Variants in RAB27A observed in about 807,000 individuals in gnomAD.
The protein encoded by RAB27A is RAB27A, member RAS oncogene family.
RAB27A carries 17 observed loss-of-function variants against 20.8 expected under a neutral mutation model. That is an observed-to-expected ratio of 0.82 (90% CI 0.56 to 1.23). The LOEUF is 1.23. Among genes scored for constraint, RAB27A ranks in the 50% most tolerant of loss-of-function variants. RAB27A has a pLI of 0.00. For synonymous variants in RAB27A, 85 were observed against 92.8 expected, an observed-to-expected ratio of 0.92 and a Z score of 0.48; for missense variants, 277 against 266.7, an observed-to-expected ratio of 1.04 and a Z score of -0.27.
At chr15:55,265,826 A>G (rs1897457403) in intron 2 of RAB27A, among the ~76,000 whole-genome samples, 1 of 152,170 alleles carries the variant, frequency 6.6e-6, no homozygotes, top group South Asian at 2.1e-4. Flanking sequence ...GGGAGAATGT[A>G]TCCAGAACAG....
intron 2 of RAB27A, among the ~76,000 whole-genome samples, chr15:55,296,946 T>TA (rs1185045244): frequency 1.3e-5 from 2 of 151,758 alleles, no homozygotes; most frequent in East Asian, 1.9e-4. Context: ...ACTGTCAACC[T>TA]AAAAAAAAGA....
At chr15:55,247,169 C>G (rs1337744990) in intron 2 of RAB27A, among the ~76,000 whole-genome samples, 1 of 152,076 alleles carries the variant, frequency 6.6e-6, no homozygotes, top group Non-Finnish European at 1.5e-5. Flanking sequence ...ACAACTTAAG[C>G]TACCTGGAAG....
At chr15:55,314,135 G>A (rs1051844342) in exon 2 of RAB27A, 17 of 143,480 alleles carry the variant, frequency 1.2e-4, no homozygotes, top group Non-Finnish European at 1.8e-4. Flanking sequence ...TTGCACTCCA[G>A]CCTGGGCATC....
intron 2 of RAB27A, among the ~76,000 whole-genome samples, chr15:55,305,745 T>A (rs144049462): frequency 0.011 from 1,707 of 152,338 alleles, 30 homozygotes; most frequent in African/African-American, 0.039. Flanking sequence ...CTCTTTGATT[T>A]TGAAGGACTA....
intron 2 of RAB27A, among the ~76,000 whole-genome samples, chr15:55,245,025 G>A (rs1396123229): frequency 6.6e-6 from 1 of 152,156 alleles, no homozygotes; most frequent in East Asian, 1.9e-4. Flanking sequence ...GCAAGGAAGA[G>A]AAGTCACATG....
intron 1 of RAB27A, chr15:55,288,857 C>T (rs565639197): frequency 5.9e-5 from 9 of 151,756 alleles, no homozygotes; most frequent in African/African-American, 2.2e-4. Context: ...AGTGGAGAAT[C>T]AACAAATTTA....
intron 1 of RAB27A, among the ~76,000 whole-genome samples, chr15:55,277,297 G>A (rs1425791370): frequency 6.6e-6 from 1 of 152,152 alleles, no homozygotes; most frequent in Non-Finnish European, 1.5e-5. Context: ...TGGGGGAGAG[G>A]CGTCTACTGG....
rs189397077 is a variant in RAB27A at position 55,269,733 on chromosome 15, T to G, written c.-23+432A>C. On this transcript the variant is annotated intron_variant, in intron 2 of 6. Transcript: ENST00000336787. ...TCAAGCCTGGGCGACAGAGCAAGAC[T>G]CTGTCTCAAATTTAAAAAACAAAAC... 70 of 152,238 alleles carry G rather than the reference T, an allele frequency of 4.6e-4. 1 individual carries two copies. The highest frequency in any genetic ancestry group is 1.5e-3 in the African/African-American group (61 of 41,514). The allele number at this position is 152,238 out of a possible 1,614,324, so 9.4% of individuals were successfully genotyped here. A position where few individuals can be genotyped will look rare whatever the true frequency, so the allele number is the denominator to read the frequency against.
intron 2 of RAB27A, among the ~76,000 whole-genome samples, chr15:55,297,917 T>C (rs1409825095): frequency 6.6e-6 from 1 of 152,078 alleles, no homozygotes; most frequent in Non-Finnish European, 1.5e-5. Flanking sequence ...AAAATCCCAG[T>C]TGTGGCCAGG....
chr15:55,312,088 T>C (rs2055023418), intron 2 of RAB27A, among the ~76,000 whole-genome samples: 1 of 152,206 alleles, frequency 6.6e-6, no homozygotes, highest in Non-Finnish European at 1.5e-5. Flanking sequence ...TCAGCTCGAT[T>C]AGGACGAACC....
chr15:55,276,575 G>GA (rs1315826596), intron 1 of RAB27A, among the ~76,000 whole-genome samples: 1 of 151,798 alleles, frequency 6.6e-6, no homozygotes, highest in Admixed American at 6.6e-5. Flanking sequence ...GTTTCTAAAA[G>GA]AAAAAATTTT....
intron 2 of RAB27A, among the ~76,000 whole-genome samples, chr15:55,307,973 G>C (rs2055005332): frequency 6.6e-6 from 1 of 152,034 alleles, no homozygotes; most frequent in Non-Finnish European, 1.5e-5. Flanking sequence ...GCCAGCAAAA[G>C]TATTTTTCCT....
chr15:55,288,395 C>T (rs568573189), intron 1 of RAB27A, among the ~76,000 whole-genome samples: 1 of 152,208 alleles, frequency 6.6e-6, no homozygotes, highest in South Asian at 2.1e-4. Flanking sequence ...GTAGCACACA[C>T]CTGTAATTCC....
chr15:55,285,446 G>C (rs1462506513), intron 1 of RAB27A, among the ~76,000 whole-genome samples: 2 of 151,970 alleles, frequency 1.3e-5, no homozygotes, highest in Non-Finnish European at 2.9e-5. Context: ...TGCAAAACCA[G>C]AGAGTCCAAA....
At chr15:55,275,911 G>T (rs1159340143) in intron 1 of RAB27A, among the ~76,000 whole-genome samples, 2 of 104,522 alleles carry the variant, frequency 1.9e-5, no homozygotes, top group Non-Finnish European at 3.8e-5. Context: ...CTGCTAGGAT[G>T]GCTAATTAAA....
intron 5 of RAB27A, among the ~76,000 whole-genome samples, chr15:55,228,345 G>C (rs1895890100): frequency 6.6e-6 from 1 of 152,156 alleles, no homozygotes; most frequent in South Asian, 2.1e-4. Context: ...TCTTCTGTGG[G>C]ATAGACTGAA....
chr15:55,240,903 G>A (rs1286623737), intron 2 of RAB27A, among the ~76,000 whole-genome samples: 1 of 152,094 alleles, frequency 6.6e-6, no homozygotes, highest in African/African-American at 2.4e-5. Flanking sequence ...GCATCTTCTA[G>A]CAAGGTCAAG....
rs184675748 is a variant in RAB27A at position 55,286,959 on chromosome 15, G to A, written c.-143+2757C>T. 7.8e-3 allele frequency among the ~76,000 whole-genome samples: 903 copies of A among 115,586 alleles called. 2 individuals are homozygous for A. Among genetic ancestry groups the A allele is most frequent in the Admixed American group, 0.013 (102 of 7,680 alleles). 75.8% of individuals were successfully genotyped at this position (115,586 alleles called of 152,430 possible). A position where few individuals can be genotyped will look rare whatever the true frequency, so the allele number is the denominator to read the frequency against. Reference sequence around the variant, plus strand: ...TTTTGAGACGGACTCACACTCTGTCGCCCAGGCTGGAGTGCAATGGCACGA... The same window carrying A: ...TTTTGAGACGGACTCACACTCTGTCACCCAGGCTGGAGTGCAATGGCACGA... On this transcript the variant is annotated intron_variant, in intron 1 of 6. Transcript: ENST00000336787.
intron 2 of RAB27A, among the ~76,000 whole-genome samples, chr15:55,246,418 G>A (rs1292282103): frequency 7.8e-6 from 1 of 128,152 alleles, no homozygotes; most frequent in Non-Finnish European, 1.7e-5. Flanking sequence ...ATGAGATATC[G>A]GCTTTTTTTT....
Sources: allele counts gnomAD v4.1 joint callset (sites outside exome capture counted in the v4.1 genomes callset), GRCh38; gene constraint gnomAD v4.1.1; transcripts MANE v1.5; gene names NCBI Gene and HGNC (gene_info 2026-07-23, HGNC 2026-07-21).